Variants in LYPLA1 observed in about 807,000 individuals in gnomAD.
LYPLA1 encodes lysophospholipase 1, also known as acyl-protein thioesterase 1.
Under a neutral mutation model 34.0 loss-of-function variants are expected in LYPLA1, and 17 were observed. The observed-to-expected ratio is 0.50, with a 90% CI of 0.34 to 0.75. LYPLA1 has a LOEUF of 0.75. Among genes scored for constraint, LYPLA1 ranks in the 30% least tolerant of loss-of-function variants. The pLI, the probability that LYPLA1 is intolerant of heterozygous loss-of-function variation, is 0.01. For missense variants in LYPLA1, 203 were observed against 288.8 expected, an observed-to-expected ratio of 0.70 and a Z score of 2.15; for synonymous variants, 98 against 100.8, an observed-to-expected ratio of 0.97 and a Z score of 0.17.
intron 4 of LYPLA1, 93 bp from the exon 5 acceptor site, chr8:54,062,417 G>A (rs760682107): frequency 3.6e-5 from 19 of 523,128 alleles, no homozygotes; most frequent in African/African-American, 6.1e-5. Flanking sequence ...GGATTAAAAG[G>A]CTAACCAGAA....
At chr8:54,059,827 G>A (rs1226330381) in intron 5 of LYPLA1, among the ~76,000 whole-genome samples, 2 of 152,132 alleles carry the variant, frequency 1.3e-5, no homozygotes, top group South Asian at 2.1e-4. Context: ...AAGCTGAGGC[G>A]GGAGAGTTGC....
chr8:54,054,194 G>A (rs771036710), intron 6 of LYPLA1, among the ~76,000 whole-genome samples: 1 of 152,054 alleles, frequency 6.6e-6, no homozygotes, highest in Admixed American at 6.6e-5. Flanking sequence ...TGTTGGCTGG[G>A]CTGGTCTCGA....
chr8:54,045,815 C>A (rs1358396956), downstream of LYPLA1, among the ~76,000 whole-genome samples: 1 of 152,196 alleles, frequency 6.6e-6, no homozygotes, highest in Non-Finnish European at 1.5e-5. Flanking sequence ...AATCCCAGCA[C>A]TTTGGGAGGC....
chr8:54,045,634 G>A (rs1238904375), downstream of LYPLA1: 4 of 152,192 alleles, frequency 2.6e-5, no homozygotes, highest in African/African-American at 4.8e-5. Flanking sequence ...AAAGCAGAAA[G>A]CGAAGGACTG....
intron 2 of LYPLA1, among the ~76,000 whole-genome samples, chr8:54,071,082 T>C (rs903586263): frequency 1.3e-5 from 2 of 152,260 alleles, no homozygotes; most frequent in African/African-American, 4.8e-5. Context: ...GAGGAACCAT[T>C]AGACAGACTC....
intron 7 of LYPLA1, among the ~76,000 whole-genome samples, chr8:54,052,014 C>A (rs1056099046): frequency 2.0e-5 from 3 of 151,820 alleles, no homozygotes; most frequent in Non-Finnish European, 2.9e-5. Context: ...CGACGCCCAG[C>A]TAATTTCTGT....
intron 7 of LYPLA1, among the ~76,000 whole-genome samples, chr8:54,051,594 C>G (rs1206234503): frequency 6.6e-6 from 1 of 151,256 alleles, no homozygotes; most frequent in Non-Finnish European, 1.5e-5. Context: ...ATTACAGGCA[C>G]GTGCCACCAC....
chr8:54,099,829 A>G (rs1023999138), intron 2 of LYPLA1, among the ~76,000 whole-genome samples: 2 of 151,920 alleles, frequency 1.3e-5, no homozygotes, highest in African/African-American at 4.8e-5. Flanking sequence ...GATTACAGGC[A>G]TGCACCACCA....
intron 2 of LYPLA1, among the ~76,000 whole-genome samples, chr8:54,092,026 C>T (rs1809318239): frequency 6.6e-6 from 1 of 151,844 alleles, no homozygotes; most frequent in African/African-American, 2.4e-5. Flanking sequence ...GCTGTGTTCA[C>T]GCCACTGCAC....
intron 2 of LYPLA1, among the ~76,000 whole-genome samples, chr8:54,086,438 TAAAAAAAAAAAAA>T (rs768755796): frequency 5.8e-5 from 2 of 34,692 alleles, no homozygotes; most frequent in Non-Finnish European, 1.1e-4. Flanking sequence ...CTAAAAAAAT[TAAAAAAAAAAAAA>T]AAAAAAAAAA....
At chr8:54,050,540 T>C (rs989208743) in intron 8 of LYPLA1, among the ~76,000 whole-genome samples, 2 of 152,240 alleles carry the variant, frequency 1.3e-5, no homozygotes, top group African/African-American at 4.8e-5. Flanking sequence ...TCCTGTCCTA[T>C]AGTTCTTTCT....
At chr8:54,049,131 C>T (rs928552273) in intron 8 of LYPLA1, among the ~76,000 whole-genome samples, 1 of 152,186 alleles carries the variant, frequency 6.6e-6, no homozygotes, top group Non-Finnish European at 1.5e-5. Context: ...TCCCAGGCAC[C>T]CTTGTCTTTC....
At chr8:54,100,065 C>G (rs1162602743) in intron 2 of LYPLA1, among the ~76,000 whole-genome samples, 3 of 152,192 alleles carry the variant, frequency 2.0e-5, no homozygotes, top group Non-Finnish European at 4.4e-5. Context: ...TCCTCTATTT[C>G]TGCAATTTTT....
intron 2 of LYPLA1, among the ~76,000 whole-genome samples, chr8:54,090,909 ATT>A (rs1470185403): frequency 3.3e-5 from 5 of 151,982 alleles, no homozygotes; most frequent in African/African-American, 9.7e-5. Context: ...CTCAGCTCTC[ATT>A]TCTCTCTCCT....
At chr8:54,086,597 C>T (rs1808802088) in intron 2 of LYPLA1, among the ~76,000 whole-genome samples, 1 of 145,114 alleles carries the variant, frequency 6.9e-6, no homozygotes. Flanking sequence ...GGTGTGATGG[C>T]TCACACTCGT....
rs1805555018 is a variant in LYPLA1 at position 54,047,564 on chromosome 8, C to T, written c.*501G>A. 1 of 151,844 alleles carries T rather than the reference C, an allele frequency of 6.6e-6. No individual in the cohort carries two copies. The highest frequency in any genetic ancestry group is 2.4e-5 in the African/African-American group (1 of 41,404). The allele number at this position is 151,844 out of a possible 1,614,324, so 9.4% of individuals were successfully genotyped here. A position where few individuals can be genotyped will look rare whatever the true frequency, so the allele number is the denominator to read the frequency against. On this transcript the variant is annotated 3_prime_UTR_variant, in exon 9 of 9. Transcript: ENST00000316963. ...ATTATTAGGAATAATGTAATACCACCTCATTCTTATTATGTATTATAATCA... is the reference window on the plus strand; with the variant it reads ...ATTATTAGGAATAATGTAATACCACTTCATTCTTATTATGTATTATAATCA...
chr8:54,058,602 GTGTCTC>G (rs1053459772), intron 5 of LYPLA1, among the ~76,000 whole-genome samples: 1 of 151,542 alleles, frequency 6.6e-6, no homozygotes, highest in East Asian at 1.9e-4. Context: ...CTCTCTCTCT[GTGTCTC>G]TGTCTCTGTC....
At chr8:54,057,359 T>G (rs1563573649) in intron 5 of LYPLA1, among the ~76,000 whole-genome samples, 1 of 152,156 alleles carries the variant, frequency 6.6e-6, no homozygotes, top group African/African-American at 2.4e-5. Flanking sequence ...ATATCTGTAC[T>G]CCCATGTTTG....
intron 5 of LYPLA1, among the ~76,000 whole-genome samples, chr8:54,061,698 C>T (rs1806647201): frequency 6.6e-6 from 1 of 152,076 alleles, no homozygotes; most frequent in South Asian, 2.1e-4. Flanking sequence ...GGAAGGGTCG[C>T]TTGAGTTCAG....
Sources: gnomAD v4.1 joint callset for allele counts (sites outside exome capture counted in the v4.1 genomes callset) on GRCh38, gnomAD v4.1.1 for gene constraint, MANE v1.5 for transcripts, NCBI Gene and HGNC (gene_info 2026-07-23, HGNC 2026-07-21) for gene names.